NHS: variants seen among roughly 807,000 people sequenced by gnomAD.
NHS encodes NHS actin remodeling regulator.
A neutral mutation model predicts 72.5 loss-of-function variants in NHS; 5 were observed. The observed-to-expected ratio is 0.07, with a 90% CI of 0.04 to 0.14. The LOEUF (loss-of-function observed/expected upper bound fraction) is 0.14. Among genes scored for constraint, NHS ranks in the 10% least tolerant of loss-of-function variants. NHS has a pLI of 1.00. For missense variants in NHS, 1,072 were observed against 1,355.7 expected, an observed-to-expected ratio of 0.79 and a Z score of 3.29; for synonymous variants, 464 against 547.7, an observed-to-expected ratio of 0.85 and a Z score of 2.13.
intron 1 of NHS, among the ~76,000 whole-genome samples, chrX:17,613,545 C>G (rs952196855): frequency 3.6e-5 from 4 of 111,493 alleles, no homozygotes; most frequent in Non-Finnish European, 7.5e-5. Context: ...GCATTTTCTG[C>G]CCCCCTTCTT....
At chrX:17,569,909 C>A (rs1028173488) in intron 1 of NHS, among the ~76,000 whole-genome samples, 1 of 111,867 alleles carries the variant, frequency 8.9e-6, no homozygotes, top group African/African-American at 3.3e-5. Context: ...TTCCCAACAC[C>A]TTTTATTAAA....
intron 1 of NHS, among the ~76,000 whole-genome samples, chrX:17,439,269 A>AT (rs1301497317): frequency 1.8e-5 from 2 of 111,267 alleles, no homozygotes; most frequent in South Asian, 3.8e-4. Context: ...CCATGGAGGA[A>AT]TTTTTTTAAC....
chrX:17,606,785 G>A (rs1051456100), intron 1 of NHS, among the ~76,000 whole-genome samples: 5 of 112,123 alleles, frequency 4.5e-5, no homozygotes, highest in African/African-American at 1.6e-4. Context: ...GCCACTGTTT[G>A]TGGGCTCATT....
intron 5 of NHS, among the ~76,000 whole-genome samples, chrX:17,722,753 A>C (rs1036931621): frequency 3.6e-5 from 4 of 110,675 alleles, no homozygotes; most frequent in Non-Finnish European, 5.7e-5. Context: ...CAGCTGCCAA[A>C]ATGGATCATT....
chrX:17,593,024 T>G (rs978294976), intron 1 of NHS, among the ~76,000 whole-genome samples: 2 of 112,286 alleles, frequency 1.8e-5, no homozygotes, highest in African/African-American at 6.5e-5. Flanking sequence ...GGAAACAAGC[T>G]TGGCCAAGGA....
rs776605332 is a variant in NHS at position 17,724,351 on chromosome X, A to G, written c.1161A>G (p.Gln387=). 24 of 1,210,310 alleles carry G rather than the reference A, an allele frequency of 2.0e-5. No individual in the cohort carries two copies. The highest frequency in any genetic ancestry group is 2.7e-5 in the Non-Finnish European group (24 of 895,277). Reference sequence around the variant, plus strand: ...TACGCTGCTCTCTGGTTCATTCACAATCGGTACTACAGCGGAGACGAAAAT... The same window carrying G: ...TACGCTGCTCTCTGGTTCATTCACAGTCGGTACTACAGCGGAGACGAAAAT... ...ASIRCSLVHS[Q]SVLQRRRKLR... Residue 387 remains glutamine (Q), a synonymous_variant, in exon 6 of 9, where the codon CAA becomes CAG. Transcript: ENST00000676302.
At chrX:17,428,375 A>G (rs2064667992) in intron 1 of NHS, among the ~76,000 whole-genome samples, 2 of 112,740 alleles carry the variant, frequency 1.8e-5, no homozygotes, top group African/African-American at 3.2e-5. Flanking sequence ...TGAATAAAAT[A>G]TGGCACTGTG....
Position 17,726,221 on chromosome X carries a change from T to C in NHS, c.2115T>C (p.Thr705=). ...ATCGGGCAAACTCCTTTACCTCCACTGTTGCAGACCTGCTGGATGATCCCA... is the reference window on the plus strand; with the variant it reads ...ATCGGGCAAACTCCTTTACCTCCACCGTTGCAGACCTGCTGGATGATCCCA... The part of the protein sequence containing the change: ...RGHRANSFTS[T]VADLLDDPNN... The change falls in exon 7 of 9, where the codon ACT becomes ACC. Residue 705 remains threonine (T), a synonymous_variant. Coordinates refer to ENST00000676302, the MANE Select transcript of NHS (RefSeq NM_001291867.2). 9 of 1,212,217 alleles carry C rather than the reference T, an allele frequency of 7.4e-6. No individual in the cohort carries two copies. Among genetic ancestry groups the C allele is most frequent in the Non-Finnish European group, 1.0e-5 (9 of 895,633 alleles).
intron 1 of NHS, among the ~76,000 whole-genome samples, chrX:17,505,136 G>T (rs1022332195): frequency 2.7e-5 from 3 of 111,192 alleles, no homozygotes; most frequent in Non-Finnish European, 5.7e-5. Flanking sequence ...CATCTTTCTA[G>T]TTCTAAATTA....
intron 7 of NHS, 102 bp downstream of exon 7, chrX:17,728,430 T>A: frequency 1.1e-6 from 1 of 901,661 alleles, no homozygotes; most frequent in Non-Finnish European, 1.6e-6. Context: ...TGGGTGTTGG[T>A]TTCCCTCCAC....
intron 1 of NHS, among the ~76,000 whole-genome samples, chrX:17,563,799 G>A (rs757002940): frequency 9.1e-6 from 1 of 109,353 alleles, no homozygotes; most frequent in Non-Finnish European, 1.9e-5. Flanking sequence ...GATGGAGTGG[G>A]TGGACGGGTG....
chrX:17,716,348 T>C (rs1014829836), intron 3 of NHS, among the ~76,000 whole-genome samples: 4 of 112,333 alleles, frequency 3.6e-5, no homozygotes, highest in African/African-American at 1.3e-4. Flanking sequence ...CATTCTGCAG[T>C]TTCTGACGGT....
chrX:17,610,981 C>T (rs896908990), intron 1 of NHS, among the ~76,000 whole-genome samples: 1 of 112,442 alleles, frequency 8.9e-6, no homozygotes, highest in African/African-American at 3.2e-5. Context: ...CATTTAGAAA[C>T]TTTTACTGGC....
intron 1 of NHS, among the ~76,000 whole-genome samples, chrX:17,490,782 G>T (rs1341272756): frequency 1.9e-5 from 2 of 104,825 alleles, no homozygotes; most frequent in Admixed American, 1.0e-4. Flanking sequence ...CCATTTGTTT[G>T]TGTCCTCTCT....
chrX:17,539,645 T>A (rs745487233), intron 1 of NHS, among the ~76,000 whole-genome samples: 6 of 111,579 alleles, frequency 5.4e-5, no homozygotes, highest in Non-Finnish European at 7.5e-5. Context: ...TTTCTCCTTG[T>A]GCAGTAGACA....
chrX:17,424,292 A>G (rs180935810), intron 1 of NHS, among the ~76,000 whole-genome samples: 3 of 112,466 alleles, frequency 2.7e-5, no homozygotes, highest in Admixed American at 1.9e-4. Context: ...ACCTAGCAGT[A>G]GTTTGCTCCT....
rs751886871 is a variant in NHS, at chrX:17,376,181, G to C, written c.424G>C (p.Val142Leu). 17 of 1,189,397 alleles carry C rather than the reference G, an allele frequency of 1.4e-5. No homozygotes were observed. The highest frequency in any genetic ancestry group is 1.9e-5 in the Non-Finnish European group (17 of 890,753). ...LARVLRQLSDVARHACSLFQE... is the reference protein window; with the variant it reads ...LARVLRQLSDLARHACSLFQE... ...CCGTGTCCTCCGGCAGCTCTCGGAC[G>C]TGGCCCGGCACGCTTGCAGCCTCTT... The change falls in exon 1 of 9, where the codon GTG (valine) becomes CTG (leucine). Residue 142 changes from valine to leucine, a missense_variant. Physicochemically the swap from Val to Leu is conservative, Grantham distance 32. Transcript: ENST00000676302.
intron 1 of NHS, among the ~76,000 whole-genome samples, chrX:17,549,050 A>G (rs1172971222): frequency 5.9e-5 from 6 of 101,721 alleles, no homozygotes; most frequent in African/African-American, 1.8e-4. Flanking sequence ...CTGCTTAAAA[A>G]CAAAGAGGGT....
chrX:17,400,725 A>G (rs1750367737), intron 1 of NHS, among the ~76,000 whole-genome samples: 2 of 112,608 alleles, frequency 1.8e-5, no homozygotes, highest in African/African-American at 6.4e-5. Context: ...AGTTCATTGA[A>G]GGAACATAAA....
Sources: gnomAD v4.1 joint callset for allele counts (sites outside exome capture counted in the v4.1 genomes callset) on GRCh38, gnomAD v4.1.1 for gene constraint, MANE v1.5 for transcripts, NCBI Gene and HGNC (gene_info 2026-07-23, HGNC 2026-07-21) for gene names.